ELAPOR1: variants seen among roughly 807,000 people sequenced by gnomAD.
ELAPOR1 encodes endosome/lysosome-associated apoptosis and autophagy regulator 1.
A neutral mutation model predicts 119.7 loss-of-function variants in ELAPOR1; 77 were observed. That is an observed-to-expected ratio of 0.64 (90% CI 0.54 to 0.78). The LOEUF (loss-of-function observed/expected upper bound fraction) is 0.78. Among genes scored for constraint, ELAPOR1 ranks in the 30% least tolerant of loss-of-function variants. ELAPOR1 has a pLI of 0.00. For missense variants in ELAPOR1, 1,115 were observed against 1,270.4 expected (o/e 0.88, Z 1.86); for synonymous variants, 481 against 487.2 (o/e 0.99, Z 0.17).
At chr1:109,145,819 T>A (rs1483624610) in intron 1 of ELAPOR1, among the ~76,000 whole-genome samples, 1 of 152,138 alleles carries the variant, frequency 6.6e-6, no homozygotes, top group African/African-American at 2.4e-5. Flanking sequence ...TACAGACATG[T>A]GCCACCATGC....
At chr1:109,136,333 T>C (rs555501826) in intron 1 of ELAPOR1, among the ~76,000 whole-genome samples, 30 of 151,910 alleles carry the variant, frequency 2.0e-4, no homozygotes, top group Non-Finnish European at 3.2e-4. Context: ...TGTGTGAGAG[T>C]TGGAGTTATG....
chr1:109,187,356 G>A, intron 8 of ELAPOR1: 2 of 985,544 alleles, frequency 2.0e-6, no homozygotes, highest in African/African-American at 1.7e-5. Context: ...AGCAGGGGAA[G>A]GAGGAGCCCA....
chr1:109,134,537 T>C (rs1351364006), intron 1 of ELAPOR1, among the ~76,000 whole-genome samples: 2 of 152,032 alleles, frequency 1.3e-5, no homozygotes, highest in Non-Finnish European at 2.9e-5. Context: ...CTGTGTAACA[T>C]AAAAAAGAAC....
chr1:109,175,221 T>A (rs1168005538), intron 7 of ELAPOR1, among the ~76,000 whole-genome samples: 1 of 151,278 alleles, frequency 6.6e-6, no homozygotes, highest in Non-Finnish European at 1.5e-5. Context: ...TGAGACGGAG[T>A]TTCACTCTTG....
chr1:109,153,576 T>C (rs191220313), intron 1 of ELAPOR1, among the ~76,000 whole-genome samples: 2 of 152,266 alleles, frequency 1.3e-5, no homozygotes, highest in East Asian at 1.9e-4. Flanking sequence ...TACAGCAAAA[T>C]GTTAAAAGTA....
At chr1:109,129,969 T>G (rs1036377013) in intron 1 of ELAPOR1, among the ~76,000 whole-genome samples, 1 of 151,922 alleles carries the variant, frequency 6.6e-6, no homozygotes, top group South Asian at 2.1e-4. Flanking sequence ...CTCTGAAGGT[T>G]CTAGGGAAGA....
chr1:109,157,527 A>G (rs1367822760), intron 1 of ELAPOR1, among the ~76,000 whole-genome samples: 1 of 151,886 alleles, frequency 6.6e-6, no homozygotes, highest in Non-Finnish European at 1.5e-5. Flanking sequence ...GCTAGATTTC[A>G]CCCTCCACTC....
chr1:109,205,247 C>G lies in ELAPOR1; in HGVS notation c.*2235C>G, dbSNP rs549199260. 1 of 152,244 alleles carries G rather than the reference C, an allele frequency of 6.6e-6. No homozygotes were observed. Among genetic ancestry groups the G allele is most frequent in the Admixed American group, 6.5e-5 (1 of 15,286 alleles). The allele number at this position is 152,244 out of a possible 1,614,324, so 9.4% of individuals were successfully genotyped here. ...AGCCCCAATTGCCCATGATTTGTGCCTGTGCCCTTTCTCCAGTGACCATTT... is the reference window on the plus strand; with the variant it reads ...AGCCCCAATTGCCCATGATTTGTGCGTGTGCCCTTTCTCCAGTGACCATTT... On this transcript the variant is annotated 3_prime_UTR_variant, in exon 22 of 22. Transcript: ENST00000369939.
rs61756689 is a variant in ELAPOR1 at position 109,192,859 on chromosome 1, G to A, written c.1932G>A (p.Gly644=). 5.0e-3 allele frequency: 7,993 copies of A among 1,613,822 alleles called. 299 individuals are homozygous for A. The African/African-American group carries it at 0.084, about 17-fold the overall frequency. The stretch of plus-strand genomic sequence containing the variant: ...AGGCCTGTGTGCCCTGTGGTCCAGG[G>A]ACCAAGAACAACAAGGTACCTGTAG... ...GVQACVPCGP[G]TKNNKIHSLC... The change falls in exon 14 of 22, where the codon GGG becomes GGA. Residue 644 remains glycine, a synonymous_variant. Transcript: ENST00000369939.
At chr1:109,150,627 TC>T (rs1364217895) in intron 1 of ELAPOR1, among the ~76,000 whole-genome samples, 1 of 152,230 alleles carries the variant, frequency 6.6e-6, no homozygotes, top group Non-Finnish European at 1.5e-5. Context: ...AAGTCAAGAC[TC>T]TGGCATCCTA....
intron 1 of ELAPOR1, among the ~76,000 whole-genome samples, chr1:109,152,170 C>T (rs1457496199): frequency 6.6e-6 from 1 of 152,080 alleles, no homozygotes; most frequent in African/African-American, 2.4e-5. Context: ...CACTGCGCCC[C>T]GCTGCTAATT....
At position 109,191,372 on chromosome 1, in the gene ELAPOR1, G is replaced by A. The variant is rs183562491; in HGVS notation, c.1446G>A (p.Pro482=). 48 of 1,613,528 alleles carry A rather than the reference G, an allele frequency of 3.0e-5. No homozygotes were observed. In the East Asian group the frequency reaches 5.6e-4, roughly 19 times the overall value. ...TTAATTTCTGCCCCTACAGACCTCC[G>A]CAGTCGGTGATGGCAGACACAGAGA... ...LTLVVPGFRP[P]QSVMADTENK... is the part of the protein sequence containing the mutation. Residue 482 remains proline, a synonymous_variant, in exon 12 of 22, where the codon CCG becomes CCA. Transcript: ENST00000369939.
At chr1:109,115,775 T>C (rs1647955421) in intron 1 of ELAPOR1, among the ~76,000 whole-genome samples, 1 of 152,220 alleles carries the variant, frequency 6.6e-6, no homozygotes, top group African/African-American at 2.4e-5. Context: ...GTGACCCCAG[T>C]GAGTGGGACT....
At chr1:109,142,768 T>C (rs763204353) in intron 1 of ELAPOR1, among the ~76,000 whole-genome samples, 9 of 152,124 alleles carry the variant, frequency 5.9e-5, no homozygotes, top group Non-Finnish European at 1.0e-4. Context: ...AAACATAGAG[T>C]TACCATATGA....
rs139326909 is a variant in ELAPOR1 at position 109,138,517 on chromosome 1, T to C, written c.154-23377T>C. On this transcript the variant is annotated intron_variant, in intron 1 of 21. Coordinates refer to ENST00000369939, the MANE Select transcript of ELAPOR1 (RefSeq NM_020775.5). ...ATAAGATCCCTTTGTGAGGCCTAGA[T>C]AAAATGTCAAACACAGTATGAAAAA... is the stretch of plus-strand genomic sequence containing the variant. 2.1e-4 allele frequency among the ~76,000 whole-genome samples: 31 copies of C among 151,124 alleles called. No homozygotes were observed. The East Asian group carries it at 5.0e-3, about 25-fold the overall frequency.
In ELAPOR1 at chr1:109,179,427, A is replaced by G. The variant is rs1020076966; in HGVS notation, c.952+5590A>G. 5.3e-5 allele frequency among the ~76,000 whole-genome samples: 8 copies of G among 151,624 alleles called. No individual in the cohort carries two copies. In the South Asian group the frequency reaches 6.3e-4, roughly 12 times the overall value. On this transcript the variant is annotated intron_variant, in intron 7 of 21. Coordinates refer to ENST00000369939, the MANE Select transcript of ELAPOR1 (RefSeq NM_020775.5). Reference sequence around the variant, plus strand: ...CTGTCTCCAAAAAAAAAAAAAAAAAAAAGAAGTGTGAGCAAAGGCCAGAAA... The same window carrying G: ...CTGTCTCCAAAAAAAAAAAAAAAAAGAAGAAGTGTGAGCAAAGGCCAGAAA...
At chr1:109,197,137 A>AC (rs1252578177) in intron 15 of ELAPOR1, among the ~76,000 whole-genome samples, 2 of 112,536 alleles carry the variant, frequency 1.8e-5, no homozygotes, top group African/African-American at 5.6e-5. Context: ...CCCTATCTTT[A>AC]CGAAAAAAAA....
At chr1:109,195,736 C>T (rs1653751809) in intron 15 of ELAPOR1, among the ~76,000 whole-genome samples, 1 of 152,190 alleles carries the variant, frequency 6.6e-6, no homozygotes, top group Admixed American at 6.5e-5. Context: ...TCACCATCAG[C>T]CATTTCATGC....
chr1:109,126,237 A>C (rs1424675069), intron 1 of ELAPOR1, among the ~76,000 whole-genome samples: 3 of 152,184 alleles, frequency 2.0e-5, no homozygotes, highest in African/African-American at 7.2e-5. Context: ...AGAGTTGGGC[A>C]GGCAAAGATA....
Sources: allele counts gnomAD v4.1 joint callset (sites outside exome capture counted in the v4.1 genomes callset), GRCh38; gene constraint gnomAD v4.1.1; transcripts MANE v1.5; gene names NCBI Gene and HGNC (gene_info 2026-07-23, HGNC 2026-07-21).